Variants in METTL24 observed in about 807,000 individuals in gnomAD.
METTL24 encodes the protein methyltransferase like 24, also known as probable methyltransferase-like protein 24.
Under a neutral mutation model 32.7 loss-of-function variants are expected in METTL24, and 29 were observed. The observed-to-expected ratio is 0.89, with a 90% confidence interval of 0.66 to 1.21. The LOEUF (loss-of-function observed/expected upper bound fraction) is 1.21, where lower values mean the gene tolerates loss of function less well. METTL24 is among the 50% of genes most tolerant of loss of function. METTL24 has a pLI of 0.00. For missense variants in METTL24, 439 were observed against 468.1 expected, an observed-to-expected ratio of 0.94 and a Z score of 0.57; for synonymous variants, 163 against 179.5, an observed-to-expected ratio of 0.91 and a Z score of 0.73.
intron 3 of METTL24, among the ~76,000 whole-genome samples, chr6:110,302,227 G>A (rs531503507): frequency 5.8e-4 from 88 of 151,510 alleles, no homozygotes; most frequent in African/African-American, 1.7e-3. Context: ...GCAGTGAGCC[G>A]AGATCGTGCC....
At position 110,245,976 on chromosome 6, in the gene METTL24, A is replaced by G. The variant is rs1452311818; in HGVS notation, c.1071T>C (p.Thr357=). The change falls in exon 5 of 5, where the codon ACT becomes ACC. Residue 357 remains threonine (T), a synonymous_variant. Coordinates refer to ENST00000338882, the MANE Select transcript of METTL24 (RefSeq NM_001123364.3). ...TCCATCTTGTATTCACCCAACTCAG[A>G]GTATAACAGCTACTTGCATTGAAAA... ...KDIFNASSCY[T]LSWVNTRWK is the part of the protein sequence containing the mutation. 6.2e-7 allele frequency: 1 copy of G among 1,613,846 alleles called. No individual in the cohort carries two copies. Among genetic ancestry groups the G allele is most frequent in the South Asian group, 1.1e-5 (1 of 91,020 alleles).
At chr6:110,309,049 T>C (rs1771672682) in intron 3 of METTL24, among the ~76,000 whole-genome samples, 1 of 152,148 alleles carries the variant, frequency 6.6e-6, no homozygotes, top group East Asian at 1.9e-4. Flanking sequence ...AAATTGACTA[T>C]AGTGACTAAA....
chr6:110,355,425 G>T (rs899006285), intron 1 of METTL24, among the ~76,000 whole-genome samples: 3 of 152,152 alleles, frequency 2.0e-5, no homozygotes, highest in Non-Finnish European at 4.4e-5. Flanking sequence ...CCATTATTGA[G>T]AGCTAAACAT....
intron 4 of METTL24, among the ~76,000 whole-genome samples, chr6:110,266,390 C>CA (rs1271894400): frequency 6.6e-6 from 1 of 151,406 alleles, no homozygotes; most frequent in African/African-American, 2.5e-5. Context: ...TGCGATAGAC[C>CA]AATAATCTGT....
chr6:110,256,371 C>G (rs1353524100), intron 4 of METTL24, among the ~76,000 whole-genome samples: 1 of 152,216 alleles, frequency 6.6e-6, no homozygotes, highest in African/African-American at 2.4e-5. Flanking sequence ...ACGACTCATG[C>G]TAGACCTGTC....
intron 4 of METTL24, among the ~76,000 whole-genome samples, chr6:110,284,552 A>T (rs546823874): frequency 1.3e-5 from 2 of 152,126 alleles, no homozygotes; most frequent in Non-Finnish European, 2.9e-5. Context: ...TGAAATGTAC[A>T]TATAAGCTGA....
intron 2 of METTL24, among the ~76,000 whole-genome samples, chr6:110,319,426 T>TAGATAGAG (rs1175494516): frequency 3.4e-5 from 5 of 146,936 alleles, no homozygotes; most frequent in Admixed American, 2.0e-4. Flanking sequence ...TAGAGATAGA[T>TAGATAGAG]AGATAGATAG....
intron 4 of METTL24, among the ~76,000 whole-genome samples, chr6:110,289,048 C>A (rs1771274053): frequency 6.6e-6 from 1 of 152,142 alleles, no homozygotes; most frequent in African/African-American, 2.4e-5. Context: ...TCTGAATAGT[C>A]CACATACTAC....
chr6:110,246,799 G>C (rs761363711), intron 4 of METTL24, among the ~76,000 whole-genome samples: 8 of 152,100 alleles, frequency 5.3e-5, no homozygotes, highest in Non-Finnish European at 7.4e-5. Context: ...TGCCTGCAGG[G>C]ACTATCTTGC....
At chr6:110,350,785 AAT>A (rs1772583588) in intron 1 of METTL24, among the ~76,000 whole-genome samples, 1 of 147,198 alleles carries the variant, frequency 6.8e-6, no homozygotes, top group African/African-American at 2.5e-5. Context: ...AATAAAATAA[AAT>A]AAAATAAAAT....
chr6:110,328,687 G>A (rs1018048598), intron 1 of METTL24, among the ~76,000 whole-genome samples: 1 of 152,020 alleles, frequency 6.6e-6, no homozygotes, highest in African/African-American at 2.4e-5. Context: ...CAAAAAAAGG[G>A]AATATTTTAA....
chr6:110,322,663 C>T, intron 2 of METTL24, 111 bp downstream of exon 2: 1 of 776,730 alleles, frequency 1.3e-6, no homozygotes, highest in Admixed American at 2.4e-5. Flanking sequence ...CACACTTCCC[C>T]ATCAAGTCCT....
chr6:110,320,930 GAGGATGCTTTAAAAAAAAAAATTTGGCC>G (rs1771919890), intron 2 of METTL24, among the ~76,000 whole-genome samples: 1 of 152,046 alleles, frequency 6.6e-6, no homozygotes, highest in African/African-American at 2.4e-5. Context: ...TCAGACTACG[GAGGATGCTTTAAAAAAAAAAATTTGGCC>G]AGGCGCAGTG....
intron 4 of METTL24, among the ~76,000 whole-genome samples, chr6:110,250,224 C>T (rs1288023188): frequency 6.6e-6 from 1 of 151,940 alleles, no homozygotes; most frequent in African/African-American, 2.4e-5. Flanking sequence ...ATTCCAAGAT[C>T]AAGTGTCCCT....
At chr6:110,356,795 G>C (rs534953288) in intron 1 of METTL24, among the ~76,000 whole-genome samples, 1 of 152,230 alleles carries the variant, frequency 6.6e-6, no homozygotes, top group Non-Finnish European at 1.5e-5. Context: ...GGTGAGGTTT[G>C]CGAGATAGAA....
At chr6:110,268,601 T>A (rs759055048) in intron 4 of METTL24, among the ~76,000 whole-genome samples, 1 of 152,180 alleles carries the variant, frequency 6.6e-6, no homozygotes, top group African/African-American at 2.4e-5. Context: ...ATTTCAGCAG[T>A]TGTAGCTCAC....
At chr6:110,257,110 G>A (rs1778399714) in intron 4 of METTL24, among the ~76,000 whole-genome samples, 5 of 152,118 alleles carry the variant, frequency 3.3e-5, no homozygotes, top group Admixed American at 3.3e-4. Flanking sequence ...AATTCTGACA[G>A]GACTTGGAAA....
chr6:110,260,868 G>A (rs949100926), intron 4 of METTL24, among the ~76,000 whole-genome samples: 2 of 152,178 alleles, frequency 1.3e-5, no homozygotes, highest in Admixed American at 6.5e-5. Flanking sequence ...GCCAAACTAA[G>A]CTTCATAAGT....
At chr6:110,276,916 T>C (rs1461202153) in intron 4 of METTL24, among the ~76,000 whole-genome samples, 1 of 151,738 alleles carries the variant, frequency 6.6e-6, no homozygotes, top group African/African-American at 2.4e-5. Flanking sequence ...AAGAGAAAGG[T>C]GGCAGATAAG....
Sources: allele counts gnomAD v4.1 joint callset (sites outside exome capture counted in the v4.1 genomes callset), GRCh38; gene constraint gnomAD v4.1.1; transcripts MANE v1.5; gene names NCBI Gene and HGNC (gene_info 2026-07-23, HGNC 2026-07-21).